The following CTNNA2 variants were observed in gnomAD, a reference collection of about 807,000 sequenced individuals.
The protein encoded by CTNNA2 is catenin alpha 2.
In CTNNA2, 42 loss-of-function variants were observed where a neutral mutation model predicts 101.0. That is an observed-to-expected ratio of 0.42 (90% CI 0.32 to 0.54). The LOEUF is 0.54. CTNNA2 is among the 20% of genes least tolerant of loss of function. CTNNA2 has a pLI of 0.14. For synonymous variants in CTNNA2, 450 were observed against 456.4 expected (o/e 0.99, Z 0.18); for missense variants, 871 against 1,223.1 (o/e 0.71, Z 4.29).
At chr2:80,132,268 T>C (rs1386355882) in intron 7 of CTNNA2, among the ~76,000 whole-genome samples, 1 of 152,078 alleles carries the variant, frequency 6.6e-6, no homozygotes, top group Non-Finnish European at 1.5e-5. Context: ...ATGAGAACCT[T>C]GGGCTGTCCT....
intron 1 of CTNNA2, among the ~76,000 whole-genome samples, chr2:79,568,143 T>C (rs149832920): frequency 2.0e-3 from 304 of 152,282 alleles, no homozygotes; most frequent in African/African-American, 6.8e-3. Flanking sequence ...TTTGTATCTA[T>C]TCCCCAAGCA....
chr2:79,230,140 T>A (rs1209583086), intron 2 of CTNNA2, among the ~76,000 whole-genome samples: 1 of 152,208 alleles, frequency 6.6e-6, no homozygotes, highest in African/African-American at 2.4e-5. Context: ...TTTGGGTAAA[T>A]AATGAGGAGC....
intron 3 of CTNNA2, among the ~76,000 whole-genome samples, chr2:79,850,451 C>G (rs1680614671): frequency 6.8e-6 from 1 of 146,516 alleles, no homozygotes; most frequent in Admixed American, 6.9e-5. Context: ...TCCTTCCTTT[C>G]TTTCTCCCTT....
At chr2:79,918,969 T>C (rs1686460821) in intron 7 of CTNNA2, among the ~76,000 whole-genome samples, 3 of 152,180 alleles carry the variant, frequency 2.0e-5, no homozygotes, top group Non-Finnish European at 2.9e-5. Flanking sequence ...GGACATGTGA[T>C]GAAGGAGCAG....
At chr2:80,463,099 C>A (rs1684583560) in intron 9 of CTNNA2, among the ~76,000 whole-genome samples, 1 of 152,096 alleles carries the variant, frequency 6.6e-6, no homozygotes, top group Non-Finnish European at 1.5e-5. Flanking sequence ...ACTGTTTATG[C>A]CTCCATCTCT....
chr2:80,629,031 A>G (rs1305825974), intron 18 of CTNNA2, among the ~76,000 whole-genome samples: 1 of 152,078 alleles, frequency 6.6e-6, no homozygotes, highest in Non-Finnish European at 1.5e-5. Context: ...TACTTCATTG[A>G]GTTATTGTTA....
At chr2:79,486,889 C>T (rs957834950) in intron 4 of CTNNA2, among the ~76,000 whole-genome samples, 4 of 152,014 alleles carry the variant, frequency 2.6e-5, no homozygotes, top group African/African-American at 9.7e-5. Flanking sequence ...TTTAAATAGG[C>T]GAAATATTTT....
At chr2:80,610,910 C>A (rs1437545535) in intron 17 of CTNNA2, among the ~76,000 whole-genome samples, 1 of 151,530 alleles carries the variant, frequency 6.6e-6, no homozygotes, top group African/African-American at 2.4e-5. Context: ...TGACGGCGAT[C>A]TGGAGAAATA....
chr2:79,412,921 T>C (rs1678433345), intron 4 of CTNNA2, among the ~76,000 whole-genome samples: 2 of 152,114 alleles, frequency 1.3e-5, no homozygotes, highest in African/African-American at 4.8e-5. Context: ...TTACTTTAGG[T>C]CAACCACTCT....
chr2:80,129,315 C>G (rs1300559449), intron 7 of CTNNA2, among the ~76,000 whole-genome samples: 1 of 152,214 alleles, frequency 6.6e-6, no homozygotes, highest in Non-Finnish European at 1.5e-5. Context: ...ACCACTGTAG[C>G]CTCCATGCTC....
intron 2 of CTNNA2, among the ~76,000 whole-genome samples, chr2:79,284,700 A>G (rs1462452461): frequency 6.6e-6 from 1 of 150,776 alleles, no homozygotes; most frequent in Non-Finnish European, 1.5e-5. Context: ...ATGTTCATCA[A>G]GGATATTGGT....
intron 7 of CTNNA2, among the ~76,000 whole-genome samples, chr2:80,312,933 T>G (rs1677734367): frequency 6.6e-6 from 1 of 152,234 alleles, no homozygotes; most frequent in Non-Finnish European, 1.5e-5. Context: ...TTCTCTTCTC[T>G]TAGTGCAGTC....
At chr2:79,527,473 A>AT (rs1180164887) in intron 1 of CTNNA2, among the ~76,000 whole-genome samples, 7 of 130,752 alleles carry the variant, frequency 5.4e-5, no homozygotes, top group Non-Finnish European at 9.6e-5. Context: ...TACTAAAAAT[A>AT]CAAAAAAAAA....
At chr2:80,474,015 G>A (rs747223537) in intron 9 of CTNNA2, among the ~76,000 whole-genome samples, 1 of 152,178 alleles carries the variant, frequency 6.6e-6, no homozygotes, top group African/African-American at 2.4e-5. Context: ...TGCAGGCACA[G>A]CTGCCCCTTG....
intron 3 of CTNNA2, among the ~76,000 whole-genome samples, chr2:79,778,251 CAGGAGA>C (rs1558921237): frequency 8.2e-6 from 1 of 122,124 alleles, no homozygotes; most frequent in Non-Finnish European, 1.5e-5. Flanking sequence ...GAGGCTGAGG[CAGGAGA>C]ATGGCTTGAG....
At chr2:80,561,992 C>T (rs1024594490) in intron 12 of CTNNA2, among the ~76,000 whole-genome samples, 1 of 151,862 alleles carries the variant, frequency 6.6e-6, no homozygotes, top group Non-Finnish European at 1.5e-5. Flanking sequence ...TTTATGTAAA[C>T]AAATTCTGTC....
At chr2:79,785,479 C>A (rs373335681) in intron 3 of CTNNA2, among the ~76,000 whole-genome samples, 2 of 152,106 alleles carry the variant, frequency 1.3e-5, no homozygotes, top group Non-Finnish European at 2.9e-5. Context: ...TTCTTACCAG[C>A]GAGGCCTCCC....
chr2:79,197,254 A>C (rs757715082), intron 1 of CTNNA2, among the ~76,000 whole-genome samples: 1 of 152,214 alleles, frequency 6.6e-6, no homozygotes, highest in Non-Finnish European at 1.5e-5. Flanking sequence ...CATCACTTGA[A>C]TTTGGCAGAG....
chr2:79,978,562 T>C (rs983620999), intron 7 of CTNNA2, among the ~76,000 whole-genome samples: 5 of 152,164 alleles, frequency 3.3e-5, no homozygotes, highest in Admixed American at 2.0e-4. Context: ...CATCTTTTAG[T>C]CCAGAATCAA....
Sources: allele counts gnomAD v4.1 joint callset (sites outside exome capture counted in the v4.1 genomes callset), GRCh38; gene constraint gnomAD v4.1.1; transcripts MANE v1.5; gene names NCBI Gene and HGNC (gene_info 2026-07-23, HGNC 2026-07-21).